Variants in ASTN2 observed in about 807,000 individuals in gnomAD.
ASTN2 encodes astrotactin 2, also known as astrotactin-2.
Under a neutral mutation model 139.8 loss-of-function variants are expected in ASTN2, and 54 were observed. That is an observed-to-expected ratio of 0.39 (90% CI 0.31 to 0.48). ASTN2 has a LOEUF of 0.48. Among genes scored for constraint, ASTN2 ranks in the 20% least tolerant of loss-of-function variants. The pLI, the probability that ASTN2 is intolerant of heterozygous loss-of-function variation, is 0.95. For missense variants in ASTN2, 1,565 were observed against 1,725.1 expected, an observed-to-expected ratio of 0.91 and a Z score of 1.64; for synonymous variants, 756 against 719.5, an observed-to-expected ratio of 1.05 and a Z score of -0.81.
chr9:116,428,570 T>C (rs1309315368), intron 22 of ASTN2, among the ~76,000 whole-genome samples: 1 of 150,730 alleles, frequency 6.6e-6, no homozygotes, highest in Non-Finnish European at 1.5e-5. Flanking sequence ...AAGAGATGCA[T>C]AGATGTTCTG....
At chr9:116,863,510 G>A (rs1037224749) in intron 11 of ASTN2, 73 bp downstream of exon 11, 33 of 1,553,894 alleles carry the variant, frequency 2.1e-5, no homozygotes, top group South Asian at 2.1e-4. Context: ...GCGTTCCCTC[G>A]CAGGGCAGGG....
intron 5 of ASTN2, among the ~76,000 whole-genome samples, chr9:117,042,567 A>G (rs1450547445): frequency 6.6e-6 from 1 of 152,182 alleles, no homozygotes; most frequent in Non-Finnish European, 1.5e-5. Flanking sequence ...AAATAACTAC[A>G]GAGAAAAATG....
chr9:116,864,911 A>G (rs1832977876), intron 10 of ASTN2, among the ~76,000 whole-genome samples: 1 of 152,110 alleles, frequency 6.6e-6, no homozygotes, highest in Non-Finnish European at 1.5e-5. Flanking sequence ...AACTTGGTAA[A>G]TCCCAGCTCT....
At chr9:117,186,406 G>T (rs970163660) in intron 3 of ASTN2, among the ~76,000 whole-genome samples, 5 of 152,016 alleles carry the variant, frequency 3.3e-5, no homozygotes, top group African/African-American at 1.2e-4. Context: ...AATTAGCCGG[G>T]TGTGGTGGCG....
chr9:117,400,774 T>C (rs561709577), intron 1 of ASTN2, among the ~76,000 whole-genome samples: 1 of 152,230 alleles, frequency 6.6e-6, no homozygotes, highest in East Asian at 1.9e-4. Context: ...CTAGGATCAC[T>C]TAGTTTAATC....
intron 1 of ASTN2, among the ~76,000 whole-genome samples, chr9:117,354,063 C>T (rs996566466): frequency 5.9e-5 from 9 of 152,046 alleles, no homozygotes; most frequent in African/African-American, 2.2e-4. Flanking sequence ...TGTGTCTATG[C>T]AGGTTTGTTA....
At chr9:117,016,808 ATGTTT>A (rs1262035370) in intron 6 of ASTN2, among the ~76,000 whole-genome samples, 397 of 77,498 alleles carry the variant, frequency 5.1e-3, no homozygotes, top group Non-Finnish European at 6.3e-3. Flanking sequence ...GGTTATATAT[ATGTTT>A]TATATATATA....
chr9:116,876,215 G>T (rs1265122579), intron 10 of ASTN2, among the ~76,000 whole-genome samples: 2 of 152,136 alleles, frequency 1.3e-5, no homozygotes, highest in Non-Finnish European at 2.9e-5. Context: ...GGGGTTCAAG[G>T]CTTCAGTGGA....
chr9:116,775,082 G>A (rs1320532806), intron 13 of ASTN2, among the ~76,000 whole-genome samples: 2 of 152,060 alleles, frequency 1.3e-5, no homozygotes, highest in Admixed American at 1.3e-4. Flanking sequence ...GAATTTCAGG[G>A]ACACATAATA....
At chr9:117,046,684 C>G (rs1838753681) in intron 5 of ASTN2, among the ~76,000 whole-genome samples, 1 of 152,192 alleles carries the variant, frequency 6.6e-6, no homozygotes, top group South Asian at 2.1e-4. Flanking sequence ...ACATCTGAGA[C>G]TCAATGCCTT....
chr9:116,767,758 C>T (rs1829848321), intron 13 of ASTN2, among the ~76,000 whole-genome samples: 1 of 152,150 alleles, frequency 6.6e-6, no homozygotes, highest in Admixed American at 6.5e-5. Flanking sequence ...CTAGCAGATC[C>T]ATCCTTGCTG....
At chr9:117,395,611 C>T (rs940166847) in intron 1 of ASTN2, among the ~76,000 whole-genome samples, 1 of 152,170 alleles carries the variant, frequency 6.6e-6, no homozygotes, top group Non-Finnish European at 1.5e-5. Context: ...GCCTCACTCC[C>T]TTGACGTCAG....
intron 13 of ASTN2, among the ~76,000 whole-genome samples, chr9:116,736,809 C>A (rs777066091): frequency 3.3e-5 from 5 of 152,168 alleles, no homozygotes; most frequent in African/African-American, 1.2e-4. Flanking sequence ...AATGTTCTTA[C>A]AATTGTAGAG....
At chr9:117,082,726 C>T (rs1456060828) in intron 5 of ASTN2, among the ~76,000 whole-genome samples, 1 of 152,180 alleles carries the variant, frequency 6.6e-6, no homozygotes, top group African/African-American at 2.4e-5. Flanking sequence ...TCACTTGAAC[C>T]TGAGAGGCAG....
At chr9:116,836,666 T>C (rs1044481557) in intron 11 of ASTN2, among the ~76,000 whole-genome samples, 7 of 152,112 alleles carry the variant, frequency 4.6e-5, no homozygotes, top group Non-Finnish European at 7.4e-5. Context: ...GCTCCAAGAA[T>C]AGGACACATG....
intron 20 of ASTN2, among the ~76,000 whole-genome samples, chr9:116,475,148 C>A (rs779476105): frequency 3.3e-5 from 5 of 152,136 alleles, no homozygotes; most frequent in Non-Finnish European, 7.4e-5. Flanking sequence ...AAATTGGTTG[C>A]CAGCATGTAA....
chr9:116,781,636 A>G (rs1830221347), intron 13 of ASTN2, among the ~76,000 whole-genome samples: 1 of 152,184 alleles, frequency 6.6e-6, no homozygotes, highest in South Asian at 2.1e-4. Context: ...CAAAAAGCTC[A>G]TTAGAAACTC....
intron 17 of ASTN2, among the ~76,000 whole-genome samples, chr9:116,621,534 C>T (rs1856155317): frequency 6.6e-6 from 1 of 152,024 alleles, no homozygotes; most frequent in Non-Finnish European, 1.5e-5. Context: ...AAATAGGAAA[C>T]ATTCTCTTCT....
chr9:116,747,811 C>G lies in ASTN2; in HGVS notation c.2397-14288G>C, dbSNP rs148433214. ...ATGTCTTCCCTCTCTAAATGCAAAA[C>G]AATTTCCACCAGTGGCACCAAACTC... is the stretch of plus-strand genomic sequence containing the variant. On this transcript the variant is annotated intron_variant, in intron 13 of 22. Transcript: ENST00000313400. 2.9e-3 allele frequency among the ~76,000 whole-genome samples: 436 copies of G among 152,222 alleles called. 1 individual carries two copies. Among genetic ancestry groups the G allele is most frequent in the African/African-American group, 0.01 (423 of 41,504 alleles).
Sources: allele counts gnomAD v4.1 joint callset (sites outside exome capture counted in the v4.1 genomes callset), GRCh38; gene constraint gnomAD v4.1.1; transcripts MANE v1.5; gene names NCBI Gene and HGNC (gene_info 2026-07-23, HGNC 2026-07-21).